Variants in ABLIM1 observed in about 807,000 individuals in gnomAD.
The protein encoded by ABLIM1 is actin-binding LIM protein 1.
In ABLIM1, 40 loss-of-function variants were observed where a neutral mutation model predicts 107.0. That is an observed-to-expected ratio of 0.37 (90% confidence interval 0.29 to 0.49). The LOEUF is 0.49. ABLIM1 is among the 20% of genes least tolerant of loss of function. The pLI is 0.97. For missense variants in ABLIM1, 857 were observed against 1,008.5 expected, an observed-to-expected ratio of 0.85 and a Z score of 2.04; for synonymous variants, 357 against 357.3, an observed-to-expected ratio of 1.00 and a Z score of 0.01.
chr10:114,524,229 T>C (rs901284417), intron 6 of ABLIM1, among the ~76,000 whole-genome samples: 10 of 152,202 alleles, frequency 6.6e-5, no homozygotes, highest in African/African-American at 2.4e-4. Context: ...ACTATATTCT[T>C]GGAGAAACAC....
intron 6 of ABLIM1, among the ~76,000 whole-genome samples, chr10:114,543,455 T>G (rs1041379657): frequency 5.3e-5 from 8 of 152,240 alleles, no homozygotes; most frequent in African/African-American, 1.9e-4. Flanking sequence ...TAAAGGCTCA[T>G]CCTGTGGTTG....
At chr10:114,638,887 G>A (rs1291781042) in intron 1 of ABLIM1, among the ~76,000 whole-genome samples, 1 of 152,160 alleles carries the variant, frequency 6.6e-6, no homozygotes, top group Non-Finnish European at 1.5e-5. Context: ...GGCTGCACAG[G>A]GGAAGATAAT....
chr10:114,754,773 A>G (rs2082593083), intron 1 of ABLIM1, among the ~76,000 whole-genome samples: 1 of 152,192 alleles, frequency 6.6e-6, no homozygotes, highest in Non-Finnish European at 1.5e-5. Flanking sequence ...CTTTGCTATG[A>G]AAAGAGAAAA....
At chr10:114,553,022 C>A (rs1171147038) in intron 4 of ABLIM1, among the ~76,000 whole-genome samples, 1 of 152,160 alleles carries the variant, frequency 6.6e-6, no homozygotes, top group Non-Finnish European at 1.5e-5. Context: ...AGAGAGAAGT[C>A]ATCTCCTGGG....
chr10:114,521,445 A>C (rs763376594), intron 6 of ABLIM1, among the ~76,000 whole-genome samples: 1 of 152,242 alleles, frequency 6.6e-6, no homozygotes, highest in Non-Finnish European at 1.5e-5. Flanking sequence ...CACCTTTATT[A>C]CACATTCCTG....
upstream of ABLIM1, among the ~76,000 whole-genome samples, chr10:114,772,448 A>G (rs1476597431): frequency 1.3e-5 from 2 of 152,044 alleles, no homozygotes; most frequent in Admixed American, 1.3e-4. Context: ...CCAAAAAAAA[A>G]AAATTTAAAT....
At chr10:114,529,863 C>T (rs1328145579) in intron 6 of ABLIM1, among the ~76,000 whole-genome samples, 1 of 152,024 alleles carries the variant, frequency 6.6e-6, no homozygotes, top group Non-Finnish European at 1.5e-5. Flanking sequence ...CCTGTCTCTA[C>T]TAAAAATACA....
At position 114,436,335 on chromosome 10, in the gene ABLIM1, T is replaced by G; in HGVS notation, c.2262A>C (p.Gly754=). Residue 754 remains glycine, a synonymous_variant, in exon 23 of 23, where the codon GGA becomes GGC. Coordinates refer to ENST00000533213, the MANE Select transcript of ABLIM1 (RefSeq NM_002313.7). ...ACCTGTCAAACTCCTGTATGGACAT[T>G]CCAAAGATTTCCCGAAACACTTCAG... ...LAPEVFREIF[G]MSIQEFDRLP... 2 of 1,613,794 alleles carry G rather than the reference T, an allele frequency of 1.2e-6. No individual in the cohort carries two copies. The highest frequency in any genetic ancestry group is 1.7e-6 in the Non-Finnish European group (2 of 1,179,958).
At chr10:114,654,160 C>T (rs189788830) in intron 1 of ABLIM1, among the ~76,000 whole-genome samples, 1 of 152,342 alleles carries the variant, frequency 6.6e-6, no homozygotes, top group Non-Finnish European at 1.5e-5. Context: ...AAGCACCTGT[C>T]CTAAACAGGA....
intron 1 of ABLIM1, among the ~76,000 whole-genome samples, chr10:114,656,598 A>C (rs1391381044): frequency 6.6e-6 from 1 of 152,190 alleles, no homozygotes; most frequent in Non-Finnish European, 1.5e-5. Flanking sequence ...TCTGACACGA[A>C]AAAAGAAAAA....
At chr10:114,644,308 T>A (rs954771915) in intron 1 of ABLIM1, among the ~76,000 whole-genome samples, 1,904 of 55,788 alleles carry the variant, frequency 0.034, 40 homozygotes, top group African/African-American at 0.083. Flanking sequence ...AAAAAAAAAA[T>A]ATATATATAT....
intron 6 of ABLIM1, among the ~76,000 whole-genome samples, chr10:114,541,328 C>T (rs1229706335): frequency 6.6e-6 from 1 of 152,080 alleles, no homozygotes; most frequent in African/African-American, 2.4e-5. Context: ...CTACAGCTGA[C>T]ACAGAAAACT....
chr10:114,521,506 A>T (rs912105034), intron 6 of ABLIM1, among the ~76,000 whole-genome samples: 1 of 152,228 alleles, frequency 6.6e-6, no homozygotes, highest in Non-Finnish European at 1.5e-5. Context: ...CTGTAACTGG[A>T]TAAGATGGTT....
chr10:114,473,919 G>C lies in ABLIM1; in HGVS notation c.1079C>G (p.Pro360Arg), dbSNP rs372492992. The change falls in exon 9 of 23, where the codon CCA becomes CGA. Residue 360 changes from proline (P) to arginine (R), a missense_variant. By Grantham distance (103) the Pro-to-Arg change is moderately radical. This residue lies in a region of ABLIM1 where 381 missense variants were observed against 506.9 expected (regional missense o/e 0.75). Transcript: ENST00000533213. ...RTSSESIYSR[P>R]GSSIPGSPGH... Reference sequence around the variant, plus strand: ...TGGTGAGCCAGGAATACTGGAGCCTGGCCTAGAATAAATACTTTCCGAGGA... The same window carrying C: ...TGGTGAGCCAGGAATACTGGAGCCTCGCCTAGAATAAATACTTTCCGAGGA... 1.2e-4 allele frequency: 192 copies of C among 1,613,656 alleles called. No homozygotes were observed. The highest frequency in any genetic ancestry group is 1.6e-4 in the Non-Finnish European group (187 of 1,179,800).
At position 114,656,735 on chromosome 10, in the gene ABLIM1, T is replaced by C. The variant is rs533331308; in HGVS notation, c.244+1222A>G. ...GGAATATCTATACGGTGAAATAGTA[T>C]TTGGCCATAACAAGGAATAAAGTAC... is the stretch of plus-strand genomic sequence containing the variant. On this transcript the variant is annotated intron_variant, in intron 1 of 22. Coordinates refer to ENST00000533213, the MANE Select transcript of ABLIM1 (RefSeq NM_002313.7). 2.0e-5 allele frequency among the ~76,000 whole-genome samples: 3 copies of C among 152,290 alleles called. No homozygotes were observed. The East Asian group carries it at 5.8e-4, about 29-fold the overall frequency.
chr10:114,644,327 ATATG>A (rs1220073400), intron 1 of ABLIM1, among the ~76,000 whole-genome samples: 10 of 119,476 alleles, frequency 8.4e-5, no homozygotes, highest in African/African-American at 4.4e-4. Flanking sequence ...ATATATATAT[ATATG>A]TGTATATATT....
At chr10:114,640,895 G>A (rs1227677760) in intron 1 of ABLIM1, among the ~76,000 whole-genome samples, 2 of 152,042 alleles carry the variant, frequency 1.3e-5, no homozygotes, top group African/African-American at 4.8e-5. Context: ...TTTAAACAAG[G>A]GGTCCCACCT....
exon 1 of ABLIM1, chr10:114,684,345 C>T (rs754415379): frequency 6.2e-7 from 1 of 1,614,102 alleles, no homozygotes; most frequent in Non-Finnish European, 8.5e-7. Context: ...TTTCCAAGGT[C>T]ATTAACATGC....
At chr10:114,501,486 C>T (rs1234118587) in intron 6 of ABLIM1, among the ~76,000 whole-genome samples, 1 of 152,114 alleles carries the variant, frequency 6.6e-6, no homozygotes, top group Non-Finnish European at 1.5e-5. Context: ...AAAATCGAGC[C>T]TTCATATTTC....
Sources: allele counts gnomAD v4.1 joint callset (sites outside exome capture counted in the v4.1 genomes callset), GRCh38; gene constraint gnomAD v4.1.1; regional missense constraint gnomAD v4.1.1; transcripts MANE v1.5; gene names NCBI Gene and HGNC (gene_info 2026-07-23, HGNC 2026-07-21).